Variants in HCK observed in about 807,000 individuals in gnomAD.
HCK encodes the protein HCK proto-oncogene, Src family tyrosine kinase, also known as tyrosine-protein kinase HCK.
In HCK, 40 loss-of-function variants were observed where a neutral mutation model predicts 70.4. That is an observed-to-expected ratio of 0.57 (90% CI 0.44 to 0.74). The LOEUF is 0.74. Ranked by LOEUF, HCK falls within the 30% of genes least tolerant of loss-of-function variation. The probability of loss-of-function intolerance (pLI) is 0.00; values close to 1 mark genes in which losing one functional copy is unlikely to be tolerated. For missense variants in HCK, 568 were observed against 697.2 expected (o/e 0.81, Z 2.09); for synonymous variants, 245 against 263.2 (o/e 0.93, Z 0.67).
intron 10 of HCK, among the ~76,000 whole-genome samples, chr20:32,092,009 A>C (rs2045870530): frequency 6.6e-6 from 1 of 151,878 alleles, no homozygotes; most frequent in South Asian, 2.1e-4. Context: ...AAGAAAAGAA[A>C]AAAGCAAAGC....
At position 32,073,323 on chromosome 20, in the gene HCK, C is replaced by T. The variant is rs2122533052; in HGVS notation, c.188C>T (p.Pro63Leu). 1 of 1,611,638 alleles carries T rather than the reference C, an allele frequency of 6.2e-7. No homozygotes were observed. The highest frequency in any genetic ancestry group is 1.1e-5 in the South Asian group (1 of 90,744). The change falls in exon 3 of 13, where the codon CCT (proline) becomes CTT (leucine). Residue 63 changes from proline (P) to leucine (L), a missense_variant. Transcript: ENST00000375852. ...TCTCTCATTTCTTCCCCACAGGGGC[C>T]TAATAGCCACAACAGCAACACACCA...
At position 32,060,492 on chromosome 20, in the gene HCK, C is replaced by T. The variant is rs146786846; in HGVS notation, c.62+8006C>T. ...TGCTGACCTCAGGTGATCCGCCTGCCTCAGCTTCCCAAAGTGCTGGGATTG... is the reference window on the plus strand; with the variant it reads ...TGCTGACCTCAGGTGATCCGCCTGCTTCAGCTTCCCAAAGTGCTGGGATTG... On this transcript the variant is annotated intron_variant, in intron 1 of 12. Transcript: ENST00000375852. Among the ~76,000 whole-genome samples, 400 of 152,308 alleles carry T rather than the reference C, an allele frequency of 2.6e-3. 1 individual carries two copies. Among genetic ancestry groups the T allele is most frequent in the African/African-American group, 9.1e-3 (377 of 41,572 alleles).
At chr20:32,086,548 G>A in intron 8 of HCK, 80 bp from the exon 9 acceptor site, 1 of 1,172,306 alleles carries the variant, frequency 8.5e-7, no homozygotes, top group Non-Finnish European at 1.2e-6. Context: ...GGAGGAGGCG[G>A]GTCTGCAGCT....
chr20:32,064,021 T>G (rs375764907), intron 1 of HCK, among the ~76,000 whole-genome samples: 1,597 of 73,700 alleles, frequency 0.022, 53 homozygotes, highest in African/African-American at 0.073. Flanking sequence ...TTTTTTTTTT[T>G]GAGATAGAGT....
intron 11 of HCK, among the ~76,000 whole-genome samples, chr20:32,097,726 C>G (rs932792440): frequency 6.6e-6 from 1 of 152,132 alleles, no homozygotes; most frequent in Non-Finnish European, 1.5e-5. Context: ...CATATACACA[C>G]ACACACACTC....
At chr20:32,098,765 G>A (rs1189342261) in intron 11 of HCK, among the ~76,000 whole-genome samples, 2 of 152,144 alleles carry the variant, frequency 1.3e-5, no homozygotes, top group African/African-American at 2.4e-5. Context: ...CAACGAGGAG[G>A]ATTCTAGAGT....
chr20:32,096,648 C>T (rs913170517), intron 11 of HCK, among the ~76,000 whole-genome samples: 1 of 152,016 alleles, frequency 6.6e-6, no homozygotes, highest in African/African-American at 2.4e-5. Flanking sequence ...ACTACAGATA[C>T]GTGCTACCAT....
chr20:32,053,871 C>T (rs2045222090), intron 1 of HCK, among the ~76,000 whole-genome samples: 3 of 152,174 alleles, frequency 2.0e-5, no homozygotes, highest in Admixed American at 6.5e-5. Flanking sequence ...CTTCCATCCC[C>T]GGTGATGCTG....
At chr20:32,089,429 G>A (rs2045834874) in intron 10 of HCK, among the ~76,000 whole-genome samples, 1 of 152,214 alleles carries the variant, frequency 6.6e-6, no homozygotes, top group South Asian at 2.1e-4. Flanking sequence ...AATTATGGGG[G>A]ATATAGCAGT....
intron 1 of HCK, among the ~76,000 whole-genome samples, chr20:32,055,518 T>A (rs2045257493): frequency 6.6e-6 from 1 of 152,246 alleles, no homozygotes; most frequent in South Asian, 2.1e-4. Context: ...AGTATTACAT[T>A]GTAGCATTTT....
Position 32,066,303 on chromosome 20 carries a change from CTTTTTTTTTTTT to C in HCK, c.63-5342_63-5331del, listed in dbSNP as rs35827345. Among the ~76,000 whole-genome samples, 202 of 46,222 alleles carry C rather than the reference CTTTTTTTTTTTT, an allele frequency of 4.4e-3. 5 individuals carry two copies. Among genetic ancestry groups the C allele is most frequent in the East Asian group, 0.04 (24 of 600 alleles). The allele number at this position is 46,222 out of a possible 152,430, so 30.3% of individuals were successfully genotyped here. ...AATTGTCCATTGTGCCCTCCAGTGA[CTTTTTTTTTTTT>C]TTTTTTTTTTTTTTTTGACAGAGTC... On this transcript the variant is annotated intron_variant, in intron 1 of 12. Transcript: ENST00000375852.
chr20:32,056,137 G>A (rs2045267678), intron 1 of HCK, among the ~76,000 whole-genome samples: 1 of 152,208 alleles, frequency 6.6e-6, no homozygotes, highest in Non-Finnish European at 1.5e-5. Context: ...GAGCATGCAT[G>A]TGCATACATG....
chr20:32,077,833 C>G (rs6119761), intron 5 of HCK, among the ~76,000 whole-genome samples: 1 of 151,672 alleles, frequency 6.6e-6, no homozygotes, highest in Non-Finnish European at 1.5e-5. Context: ...CACCTCCTTC[C>G]TTTTTATACC....
intron 1 of HCK, among the ~76,000 whole-genome samples, chr20:32,060,994 T>A (rs148202112): frequency 1.3e-5 from 2 of 150,244 alleles, no homozygotes; most frequent in African/African-American, 5.0e-5. Flanking sequence ...TTTTATTTTG[T>A]TTTTTTTGAG....
chr20:32,101,581 C>A lies in HCK; in HGVS notation c.*62C>A. On this transcript the variant is annotated 3_prime_UTR_variant, in exon 13 of 13. Coordinates refer to ENST00000375852, the MANE Select transcript of HCK (RefSeq NM_002110.5). ...TGGTGGCTGCAAGGTGGCTCCAGCA[C>A]CATCCGCCAGGGCCCACACCCCCTT... 7.0e-7 allele frequency: 1 copy of A among 1,420,720 alleles called. No individual in the cohort carries two copies. The highest frequency in any genetic ancestry group is 1.3e-5 in the South Asian group (1 of 79,924). The allele number at this position is 1,420,720 out of a possible 1,614,324, so 88.0% of individuals were successfully genotyped here.
At chr20:32,094,850 AAAAG>A (rs1285734660) in intron 11 of HCK, among the ~76,000 whole-genome samples, 4 of 148,488 alleles carry the variant, frequency 2.7e-5, no homozygotes, top group East Asian at 2.0e-4. Context: ...AGAAAGAAAG[AAAAG>A]AAAGAAAGAG....
At chr20:32,089,422 T>C (rs1600737763) in intron 10 of HCK, among the ~76,000 whole-genome samples, 1 of 152,306 alleles carries the variant, frequency 6.6e-6, no homozygotes. Flanking sequence ...CTGTGCTAAT[T>C]ATGGGGGATA....
chr20:32,054,750 G>A (rs1240151441), intron 1 of HCK, among the ~76,000 whole-genome samples: 1 of 152,208 alleles, frequency 6.6e-6, no homozygotes, highest in East Asian at 1.9e-4. Context: ...AGCTTGCAGT[G>A]AGCCGAGATC....
At chr20:32,056,875 C>T in intron 1 of HCK, among the ~76,000 whole-genome samples, 1 of 152,152 alleles carries the variant, frequency 6.6e-6, no homozygotes, top group Non-Finnish European at 1.5e-5. Flanking sequence ...TCTTCTAACA[C>T]CTGGCACCTG....
Sources: gnomAD v4.1 joint callset for allele counts (sites outside exome capture counted in the v4.1 genomes callset) on GRCh38, gnomAD v4.1.1 for gene constraint, MANE v1.5 for transcripts, NCBI Gene and HGNC (gene_info 2026-07-23, HGNC 2026-07-21) for gene names.